Variants in MLLT10 observed in about 807,000 individuals in gnomAD.
MLLT10 encodes the protein MLLT10 histone lysine methyltransferase DOT1L cofactor.
MLLT10 carries 30 observed loss-of-function variants against 129.1 expected under a neutral mutation model. The observed-to-expected ratio is 0.23, with a 90% confidence interval of 0.17 to 0.32. The LOEUF (loss-of-function observed/expected upper bound fraction) is 0.32, where lower values mean the gene tolerates loss of function less well. MLLT10 is among the 10% of genes least tolerant of loss of function. The pLI is 1.00. For missense variants in MLLT10, 1,119 were observed against 1,268.3 expected (o/e 0.88, Z 1.79); for synonymous variants, 490 against 446.4 (o/e 1.10, Z -1.23).
At chr10:21,708,709 G>T (rs1257434717) in intron 13 of MLLT10, 11 of 985,120 alleles carry the variant, frequency 1.1e-5, no homozygotes, top group African/African-American at 1.7e-5. Flanking sequence ...GAGATTGAAG[G>T]TCCTTAATCA....
intron 9 of MLLT10, among the ~76,000 whole-genome samples, chr10:21,665,636 A>G (rs1215647854): frequency 2.0e-5 from 3 of 151,956 alleles, no homozygotes; most frequent in Non-Finnish European, 4.4e-5. Context: ...GAGTTTATTC[A>G]TTCATTGTTG....
intron 14 of MLLT10, among the ~76,000 whole-genome samples, chr10:21,722,278 G>A (rs944483360): frequency 2.0e-5 from 3 of 152,068 alleles, no homozygotes; most frequent in African/African-American, 7.2e-5. Context: ...CACAATAGCC[G>A]TTCTCCTTAC....
rs913075814 is a variant in MLLT10 at position 21,535,121 on chromosome 10, T to TGGGGGC, written c.160+338_160+343dup. 4.1e-3 allele frequency among the ~76,000 whole-genome samples: 353 copies of TGGGGGC among 85,270 alleles called. 4 individuals carry two copies. The highest frequency in any genetic ancestry group is 7.1e-3 in the Non-Finnish European group (281 of 39,404). 55.9% of individuals were successfully genotyped at this position (85,270 alleles called of 152,430 possible). ...CGCGCCCTCGAGATCTGGGCCGGGG[T>TGGGGGC]GGGGGCGGGGGCGGGGGCGGGGGCG... On this transcript the variant is annotated intron_variant, in intron 2 of 22. Transcript: ENST00000307729.
Position 21,545,913 on chromosome 10 carries a change from C to T in MLLT10, c.240+7001C>T, listed in dbSNP as rs536058979. Among the ~76,000 whole-genome samples, 33 of 152,094 alleles carry T rather than the reference C, an allele frequency of 2.2e-4. 1 individual carries two copies. The highest frequency in any genetic ancestry group is 3.4e-3 in the Middle Eastern group (1 of 294). On this transcript the variant is annotated intron_variant, in intron 3 of 22. Coordinates refer to ENST00000307729, the MANE Select transcript of MLLT10 (RefSeq NM_001195626.3). ...AACACCTGGCTTTAAGAGATCCTCC[C>T]GTGTTGTCCTCCTAAAGTGTTGGGA...
chr10:21,570,212 T>TTGTGTG (rs528760884), intron 3 of MLLT10, among the ~76,000 whole-genome samples: 92 of 147,940 alleles, frequency 6.2e-4, no homozygotes, highest in African/African-American at 2.0e-3. Flanking sequence ...CCAGGCCAAT[T>TTGTGTG]TGTGTGTGTG....
intron 13 of MLLT10, among the ~76,000 whole-genome samples, chr10:21,697,922 A>C (rs1330154966): frequency 6.6e-6 from 1 of 152,064 alleles, no homozygotes; most frequent in Non-Finnish European, 1.5e-5. Flanking sequence ...GCTTATTTAC[A>C]TTTTCTTTTA....
chr10:21,721,573 A>G (rs2057138416), intron 14 of MLLT10, among the ~76,000 whole-genome samples: 2 of 152,310 alleles, frequency 1.3e-5, no homozygotes, highest in Admixed American at 1.3e-4. Context: ...TTGAAAATAT[A>G]AGAGGTAAAC....
intron 6 of MLLT10, among the ~76,000 whole-genome samples, chr10:21,614,242 A>G (rs1241688091): frequency 6.6e-6 from 1 of 151,742 alleles, no homozygotes; most frequent in Non-Finnish European, 1.5e-5. Context: ...AAAAAAAAAA[A>G]AAGAATATTG....
chr10:21,711,171 C>A (rs1200249816), intron 13 of MLLT10, among the ~76,000 whole-genome samples: 1 of 152,160 alleles, frequency 6.6e-6, no homozygotes, highest in Non-Finnish European at 1.5e-5. Flanking sequence ...ACCTGTAATC[C>A]CAGCACTTTG....
chr10:21,626,931 T>C (rs1258082795), intron 8 of MLLT10, among the ~76,000 whole-genome samples: 5 of 152,190 alleles, frequency 3.3e-5, no homozygotes, highest in South Asian at 2.1e-4. Context: ...GACTGAAGAG[T>C]ATGGTAACAT....
chr10:21,621,690 A>T (rs1047353016), intron 8 of MLLT10, among the ~76,000 whole-genome samples: 1 of 140,618 alleles, frequency 7.1e-6, no homozygotes, highest in African/African-American at 2.7e-5. Context: ...GGGATTCCAC[A>T]CCCCTGCCTC....
chr10:21,605,586 A>G (rs1394382387), intron 5 of MLLT10, among the ~76,000 whole-genome samples: 6 of 152,050 alleles, frequency 3.9e-5, no homozygotes, highest in Non-Finnish European at 2.9e-5. Flanking sequence ...CAGGGACTAC[A>G]GCCATATGCC....
At chr10:21,567,694 G>T (rs2039743816) in intron 3 of MLLT10, among the ~76,000 whole-genome samples, 1 of 152,084 alleles carries the variant, frequency 6.6e-6, no homozygotes, top group Non-Finnish European at 1.5e-5. Flanking sequence ...GCTGGTATGG[G>T]TGGGGCTAGG....
At chr10:21,690,584 T>C (rs2053755583) in intron 13 of MLLT10, among the ~76,000 whole-genome samples, 1 of 152,094 alleles carries the variant, frequency 6.6e-6, no homozygotes, top group Non-Finnish European at 1.5e-5. Context: ...GAGCGAGTTA[T>C]TTTATTTTAA....
intron 13 of MLLT10, among the ~76,000 whole-genome samples, chr10:21,683,811 A>T (rs193291501): frequency 7.9e-5 from 12 of 150,962 alleles, no homozygotes; most frequent in Non-Finnish European, 1.3e-4. Context: ...CAGTGGCGTG[A>T]TATTGGCTCA....
At chr10:21,716,735 A>G (rs1197802164) in intron 14 of MLLT10, among the ~76,000 whole-genome samples, 1 of 152,110 alleles carries the variant, frequency 6.6e-6, no homozygotes, top group Admixed American at 6.5e-5. Context: ...TCTTACCACA[A>G]CTGTTAAGAA....
At chr10:21,735,046 A>G (rs939457518) in intron 20 of MLLT10, 93 bp from the exon 21 acceptor site, 2 of 854,460 alleles carry the variant, frequency 2.3e-6, no homozygotes, top group Admixed American at 2.2e-5. Context: ...TAAGTTATTA[A>G]ACATCAAATT....
chr10:21,551,946 C>T (rs538630153), intron 3 of MLLT10: 10 of 268,084 alleles, frequency 3.7e-5, no homozygotes, highest in African/African-American at 2.1e-4. Flanking sequence ...AGGCACACAC[C>T]ACCATGCCTG....
At chr10:21,604,020 A>G (rs149047553) in intron 5 of MLLT10, among the ~76,000 whole-genome samples, 1 of 152,216 alleles carries the variant, frequency 6.6e-6, no homozygotes, top group East Asian at 1.9e-4. Context: ...GTTACTGTGT[A>G]AGATACTGGG....
Sources: allele counts gnomAD v4.1 joint callset (sites outside exome capture counted in the v4.1 genomes callset), GRCh38; gene constraint gnomAD v4.1.1; transcripts MANE v1.5; gene names NCBI Gene and HGNC (gene_info 2026-07-23, HGNC 2026-07-21).